The following CAMK4 variants were observed in gnomAD, a reference collection of about 807,000 sequenced individuals.
CAMK4 encodes the protein calcium/calmodulin-dependent protein kinase type IV.
CAMK4 carries 22 observed loss-of-function variants against 44.9 expected under a neutral mutation model. The observed-to-expected ratio is 0.49, with a 90% CI of 0.35 to 0.70. The LOEUF (loss-of-function observed/expected upper bound fraction) is 0.70, where lower values mean the gene tolerates loss of function less well. CAMK4 is among the 30% of genes least tolerant of loss of function. The pLI is 0.01. For missense variants in CAMK4, 498 were observed against 586.8 expected (o/e 0.85, Z 1.56); for synonymous variants, 218 against 215.4 (o/e 1.01, Z -0.11).
At chr5:111,437,094 TACTC>T (rs1297510482) in intron 5 of CAMK4, among the ~76,000 whole-genome samples, 1 of 152,232 alleles carries the variant, frequency 6.6e-6, no homozygotes, top group Non-Finnish European at 1.5e-5. Context: ...ATCTCACTAA[TACTC>T]AATAAGCACC....
intron 1 of CAMK4, among the ~76,000 whole-genome samples, chr5:111,289,066 G>C (rs191812810): frequency 1.3e-5 from 2 of 152,296 alleles, no homozygotes; most frequent in Non-Finnish European, 2.9e-5. Flanking sequence ...ACAGGCATGG[G>C]CTGGGTGTGG....
At position 111,486,522 on chromosome 5, in the gene CAMK4, CACACACA is replaced by C. The variant is rs1263572399; in HGVS notation, c.*2057_*2063del. The C allele has an allele frequency of 7.4e-6, 1 of 134,560 alleles. No homozygotes were observed. Among genetic ancestry groups the C allele is most frequent in the Non-Finnish European group, 1.6e-5 (1 of 63,314 alleles). 8.3% of individuals were successfully genotyped at this position (134,560 alleles called of 1,614,324 possible). A position where few individuals can be genotyped will look rare whatever the true frequency, so the allele number is the denominator to read the frequency against. The stretch of plus-strand genomic sequence containing the variant: ...TGAAACACACACACACACACACACA[CACACACA>C]CACACACACACACGTGTTGGAAGAG... On this transcript the variant is annotated 3_prime_UTR_variant, in exon 11 of 11. Transcript: ENST00000282356.
intron 1 of CAMK4, among the ~76,000 whole-genome samples, chr5:111,298,510 G>A (rs746489054): frequency 1.1e-4 from 16 of 152,282 alleles, no homozygotes; most frequent in Non-Finnish European, 1.5e-4. Flanking sequence ...GTCAGTGGAC[G>A]TAGAGTGGAG....
intron 1 of CAMK4, among the ~76,000 whole-genome samples, chr5:111,273,722 C>T (rs12719126): frequency 0.5 from 23,877 of 47,292 alleles, 5,922 homozygotes; most frequent in South Asian, 0.59. Flanking sequence ...TATATATACA[C>T]ACACATACAT....
intron 5 of CAMK4, among the ~76,000 whole-genome samples, chr5:111,432,012 C>A (rs552502415): frequency 4.6e-5 from 7 of 152,206 alleles, no homozygotes; most frequent in African/African-American, 1.7e-4. Flanking sequence ...GGTATGTACC[C>A]TAAAGAAAGG....
intron 1 of CAMK4, among the ~76,000 whole-genome samples, chr5:111,310,626 T>C (rs1748161574): frequency 6.6e-6 from 1 of 152,206 alleles, no homozygotes; most frequent in African/African-American, 2.4e-5. Context: ...TAGGAACTCC[T>C]CAACAAAGAC....
chr5:111,392,801 T>C (rs1381438474), intron 4 of CAMK4, among the ~76,000 whole-genome samples: 1 of 152,098 alleles, frequency 6.6e-6, no homozygotes, highest in Non-Finnish European at 1.5e-5. Context: ...TAGGAGACAA[T>C]GACTTATTCT....
At chr5:111,259,236 C>T (rs1749874902) in intron 1 of CAMK4, among the ~76,000 whole-genome samples, 3 of 152,192 alleles carry the variant, frequency 2.0e-5, no homozygotes, top group South Asian at 2.1e-4. Context: ...CTCTCACTCC[C>T]ATACCTTGGC....
intron 1 of CAMK4, among the ~76,000 whole-genome samples, chr5:111,232,844 G>A (rs1748541184): frequency 6.6e-6 from 1 of 151,964 alleles, no homozygotes; most frequent in Non-Finnish European, 1.5e-5. Context: ...ACTTAGATTG[G>A]TTACCTAGAC....
At chr5:111,407,180 A>G (rs1752465585) in intron 5 of CAMK4, among the ~76,000 whole-genome samples, 1 of 151,802 alleles carries the variant, frequency 6.6e-6, no homozygotes, top group African/African-American at 2.4e-5. Context: ...GGTGAAACCC[A>G]TTATCTACTA....
chr5:111,406,523 CA>C (rs950286639), intron 5 of CAMK4, among the ~76,000 whole-genome samples: 2 of 128,554 alleles, frequency 1.6e-5, no homozygotes, highest in Non-Finnish European at 3.6e-5. Context: ...CGTACCTGGC[CA>C]ATTTTTTTCT....
chr5:111,348,412 G>A (rs1749954348), intron 2 of CAMK4, among the ~76,000 whole-genome samples: 2 of 151,948 alleles, frequency 1.3e-5, no homozygotes, highest in Admixed American at 1.3e-4. Flanking sequence ...ACAGTGAATT[G>A]TCATGTTTAG....
At chr5:111,404,919 A>G (rs1752360836) in intron 5 of CAMK4, among the ~76,000 whole-genome samples, 1 of 133,416 alleles carries the variant, frequency 7.5e-6, no homozygotes, top group South Asian at 2.3e-4. Flanking sequence ...TTAATGTTGG[A>G]TAAGATCAAC....
intron 5 of CAMK4, among the ~76,000 whole-genome samples, chr5:111,430,239 C>T (rs2112937484): frequency 6.6e-6 from 1 of 152,278 alleles, no homozygotes; most frequent in South Asian, 2.1e-4. Flanking sequence ...TCAATTGATG[C>T]TGAAAAGGCA....
Position 111,488,140 on chromosome 5 carries a change from A to AT in CAMK4, c.*3678dup, listed in dbSNP as rs1466795926. On this transcript the variant is annotated 3_prime_UTR_variant, in exon 11 of 11. Transcript: ENST00000282356. ...CAGGAAGAACTGCACATAGAATCTGATTTTGAGGCCTGGATTAAGCTTCAT... is the reference window on the plus strand; with the variant it reads ...CAGGAAGAACTGCACATAGAATCTGATTTTTGAGGCCTGGATTAAGCTTCAT... The AT allele has an allele frequency of 6.6e-6, 1 of 152,202 alleles. No homozygotes were observed. Among genetic ancestry groups the AT allele is most frequent in the Non-Finnish European group, 1.5e-5 (1 of 68,032 alleles). The allele number at this position is 152,202 out of a possible 1,614,324, so 9.4% of individuals were successfully genotyped here. A position where few individuals can be genotyped will look rare whatever the true frequency, so the allele number is the denominator to read the frequency against.
At chr5:111,340,723 G>A (rs760153632) in intron 1 of CAMK4, among the ~76,000 whole-genome samples, 3 of 151,112 alleles carry the variant, frequency 2.0e-5, no homozygotes, top group Non-Finnish European at 3.0e-5. Flanking sequence ...CATAAAATTC[G>A]TTTGATAGTA....
chr5:111,324,541 A>G lies in CAMK4; in HGVS notation c.162-19483A>G, dbSNP rs183119772. Among the ~76,000 whole-genome samples, 3 of 152,202 alleles carry G rather than the reference A, an allele frequency of 2.0e-5. No individual in the cohort carries two copies. The East Asian group carries it at 5.8e-4, about 29-fold the overall frequency. ...CAGAAAGTCATAATTCTAAATGTAT[A>G]TGCAGCTACTAACAGATAAGGCAAA... is the stretch of plus-strand genomic sequence containing the variant. On this transcript the variant is annotated intron_variant, in intron 1 of 10. Transcript: ENST00000282356.
Position 111,473,314 on chromosome 5 carries a change from C to A in CAMK4, c.629C>A (p.Pro210His), listed in dbSNP as rs1561509623. 2.5e-6 allele frequency: 4 copies of A among 1,608,256 alleles called. No homozygotes were observed. The highest frequency in any genetic ancestry group is 3.4e-6 in the Non-Finnish European group (4 of 1,175,050). ...ACAATTTTCACTTTTTCTGCAGCAC[C>A]TGAAATTCTTAGAGGTTGTGCCTAT... is the stretch of plus-strand genomic sequence containing the variant. The part of the protein sequence containing the change: ...TVCGTPGYCA[P>H]EILRGCAYGP... The change falls in exon 8 of 11, where the codon CCT becomes CAT. Residue 210 changes from proline (P) to histidine (H), a missense_variant. This residue lies in a region of CAMK4 where 203 missense variants were observed against 298.2 expected (regional missense o/e 0.68). Transcript: ENST00000282356.
At chr5:111,315,787 C>CA (rs1748396095) in intron 1 of CAMK4, among the ~76,000 whole-genome samples, 1 of 152,056 alleles carries the variant, frequency 6.6e-6, no homozygotes, top group Non-Finnish European at 1.5e-5. Flanking sequence ...GGCTCATTCT[C>CA]AGTTTTTTAA....
Sources: allele counts gnomAD v4.1 joint callset (sites outside exome capture counted in the v4.1 genomes callset), GRCh38; gene constraint gnomAD v4.1.1; regional missense constraint gnomAD v4.1.1; transcripts MANE v1.5; gene names NCBI Gene and HGNC (gene_info 2026-07-23, HGNC 2026-07-21).